PRDM16: variants seen among roughly 807,000 people sequenced by gnomAD.
PRDM16 encodes the protein PR/SET domain 16, also known as histone-lysine N-methyltransferase PRDM16.
In PRDM16, 23 loss-of-function variants were observed where a neutral mutation model predicts 110.6. The ratio of observed to expected loss-of-function variants is 0.21; its 90% CI spans 0.15 to 0.29. The LOEUF (loss-of-function observed/expected upper bound fraction) is 0.29. Ranked by LOEUF, PRDM16 falls within the 10% of genes least tolerant of loss-of-function variation. The pLI is 1.00. For synonymous variants in PRDM16, 799 were observed against 781.8 expected (o/e 1.02, Z -0.37); for missense variants, 1,615 against 1,794.3 (o/e 0.90, Z 1.81).
At chr1:3,161,269 C>G (rs1156356323) in intron 1 of PRDM16, among the ~76,000 whole-genome samples, 2 of 152,226 alleles carry the variant, frequency 1.3e-5, no homozygotes, top group African/African-American at 2.4e-5. Flanking sequence ...ACACACACAA[C>G]ACGCTCGAAA....
rs987319450 is a variant in PRDM16, at chr1:3,143,175, T to C, written c.38-42950T>C. On this transcript the variant is annotated intron_variant, in intron 1 of 16. Transcript: ENST00000270722. The surrounding 1 kb of genome is among the most constrained non-coding windows in gnomAD (Gnocchi z 4.5). Reference sequence around the variant, plus strand: ...AACCGCAGTGCTGGGCCGGGGGGAGTCGCTGGTTTGCAGCCCCTCGGGGGC... The same window carrying C: ...AACCGCAGTGCTGGGCCGGGGGGAGCCGCTGGTTTGCAGCCCCTCGGGGGC... Among the ~76,000 whole-genome samples, 4 of 151,050 alleles carry C rather than the reference T, an allele frequency of 2.6e-5. No homozygotes were observed. The South Asian group carries it at 8.4e-4, about 32-fold the overall frequency.
At chr1:3,300,646 G>GCACA (rs1335144890) in intron 3 of PRDM16, among the ~76,000 whole-genome samples, 1 of 152,194 alleles carries the variant, frequency 6.6e-6, no homozygotes. Context: ...AGGGAAAATG[G>GCACA]ATTCTGCCGG....
chr1:3,229,431 C>G (rs1557544035), intron 2 of PRDM16, among the ~76,000 whole-genome samples: 1 of 151,946 alleles, frequency 6.6e-6, no homozygotes, highest in Non-Finnish European at 1.5e-5. Context: ...TTCTCCTGCA[C>G]TAAAGGACAT....
chr1:3,124,769 G>A (rs1034556617), intron 1 of PRDM16, among the ~76,000 whole-genome samples: 6 of 152,202 alleles, frequency 3.9e-5, no homozygotes, highest in African/African-American at 1.4e-4. Context: ...CAGCAGGATG[G>A]GGGGACCTCT....
chr1:3,098,609 C>T (rs990525971), intron 1 of PRDM16, among the ~76,000 whole-genome samples: 1 of 152,166 alleles, frequency 6.6e-6, no homozygotes, highest in Non-Finnish European at 1.5e-5. Flanking sequence ...AGGAAGTGCC[C>T]CAGGGAGCGT....
chr1:3,254,754 G>A (rs1640009470), intron 3 of PRDM16, among the ~76,000 whole-genome samples: 1 of 151,990 alleles, frequency 6.6e-6, no homozygotes, highest in African/African-American at 2.4e-5. Flanking sequence ...TAGATTCAAT[G>A]CCATCCCCAT....
intron 3 of PRDM16, among the ~76,000 whole-genome samples, chr1:3,331,301 C>G (rs2483273): frequency 6.6e-6 from 1 of 152,068 alleles, no homozygotes; most frequent in South Asian, 2.1e-4. Context: ...GCAGCCCCCC[C>G]CCGGCACACT....
intron 4 of PRDM16, among the ~76,000 whole-genome samples, chr1:3,391,693 G>A (rs965052326): frequency 2.6e-5 from 4 of 152,236 alleles, no homozygotes; most frequent in African/African-American, 7.2e-5. Context: ...GGAAGGTGGC[G>A]AAGCCCGGGA....
intron 2 of PRDM16, among the ~76,000 whole-genome samples, chr1:3,218,837 G>A (rs1400952957): frequency 5.3e-5 from 8 of 152,328 alleles, no homozygotes; most frequent in Admixed American, 2.6e-4. Context: ...CCCGAACCAC[G>A]CTTGCTCAGA....
chr1:3,278,041 T>A (rs1331437599), intron 3 of PRDM16, among the ~76,000 whole-genome samples: 1 of 152,220 alleles, frequency 6.6e-6, no homozygotes, highest in African/African-American at 2.4e-5. Flanking sequence ...CAGGGGCTTG[T>A]AACCAAGAAC....
Position 3,186,159 on chromosome 1 carries a change from C to T in PRDM16, c.72C>T (p.Pro24=), listed in dbSNP as rs776417681. 4.3e-6 allele frequency: 7 copies of T among 1,612,686 alleles called. 1 individual carries two copies. In the South Asian group the frequency reaches 7.7e-5, roughly 18 times the overall value. ...DGDVVNNMYE[P]NRDLLASHSA... ...ACGTTGTAAATAATATGTATGAGCCCAACCGGGACCTGCTGGCCAGCCACA... is the reference window on the plus strand; with the variant it reads ...ACGTTGTAAATAATATGTATGAGCCTAACCGGGACCTGCTGGCCAGCCACA... The change falls in exon 2 of 17, where the codon CCC becomes CCT. Residue 24 remains proline, a synonymous_variant. Coordinates refer to ENST00000270722, the MANE Select transcript of PRDM16 (RefSeq NM_022114.4).
chr1:3,194,168 G>A lies in PRDM16; in HGVS notation c.387+7694G>A, dbSNP rs144311761. 4.6e-3 allele frequency among the ~76,000 whole-genome samples: 706 copies of A among 152,326 alleles called. 5 individuals carry two copies. Among genetic ancestry groups the A allele is most frequent in the Middle Eastern group, 0.02 (6 of 294 alleles). On this transcript the variant is annotated intron_variant, in intron 2 of 16. Transcript: ENST00000270722. ...AGGAACAAGGGCTCCCAAAGCACTC[G>A]TCTGGCCTTCTGCAACGCTCAGTGC... is the stretch of plus-strand genomic sequence containing the variant.
chr1:3,135,813 G>A lies in PRDM16; in HGVS notation c.38-50312G>A, dbSNP rs115052613. 3.1e-3 allele frequency among the ~76,000 whole-genome samples: 477 copies of A among 152,264 alleles called. 9 individuals are homozygous for A. Among genetic ancestry groups the A allele is most frequent in the African/African-American group, 0.011 (462 of 41,558 alleles). On this transcript the variant is annotated intron_variant, in intron 1 of 16. Transcript: ENST00000270722. ...GATCCCAGCCGTCCCCAGACCGTCCGTCCCTTCCCCGTGGCTCCCTGGGCC... is the reference window on the plus strand; with the variant it reads ...GATCCCAGCCGTCCCCAGACCGTCCATCCCTTCCCCGTGGCTCCCTGGGCC...
At chr1:3,186,534 T>C (rs182731312) in intron 2 of PRDM16, 60 bp downstream of exon 2, 1,649 of 1,174,196 alleles carry the variant, frequency 1.4e-3, no homozygotes, top group Non-Finnish European at 1.8e-3. Context: ...TCAATCTATT[T>C]ATAAAGCCGG....
chr1:3,111,840 C>T (rs1642803302), intron 1 of PRDM16, among the ~76,000 whole-genome samples: 1 of 152,218 alleles, frequency 6.6e-6, no homozygotes, highest in Admixed American at 6.5e-5. Flanking sequence ...TGGACAGCGC[C>T]ACGATAATTC....
At chr1:3,254,161 G>C (rs1392028848) in intron 3 of PRDM16, among the ~76,000 whole-genome samples, 1 of 152,114 alleles carries the variant, frequency 6.6e-6, no homozygotes, top group African/African-American at 2.4e-5. Flanking sequence ...TAAGTTGCCT[G>C]TTCACTCTGA....
chr1:3,383,837 ACCTG>A (rs146607114), intron 3 of PRDM16, among the ~76,000 whole-genome samples: 41,361 of 150,720 alleles, frequency 0.27, 7,018 homozygotes, highest in East Asian at 0.55. Flanking sequence ...TCAAAGACAC[ACCTG>A]CCTAAGGACA....
chr1:3,231,413 C>A (rs1335287321), intron 2 of PRDM16, among the ~76,000 whole-genome samples: 1 of 150,546 alleles, frequency 6.6e-6, no homozygotes, highest in Non-Finnish European at 1.5e-5. Flanking sequence ...GTCTCCCCTT[C>A]TCCGTCGTCA....
chr1:3,241,297 G>T (rs924260220), intron 2 of PRDM16, among the ~76,000 whole-genome samples: 1 of 152,250 alleles, frequency 6.6e-6, no homozygotes, highest in Non-Finnish European at 1.5e-5. Context: ...AGCTGGGGGG[G>T]CTCTGCCTCT....
Sources: allele counts gnomAD v4.1 joint callset (sites outside exome capture counted in the v4.1 genomes callset), GRCh38; gene constraint gnomAD v4.1.1; non-coding constraint Gnocchi (gnomAD v3.1); transcripts MANE v1.5; gene names NCBI Gene and HGNC (gene_info 2026-07-23, HGNC 2026-07-21).